CAMTA1: variants seen among roughly 807,000 people sequenced by gnomAD.
The protein encoded by CAMTA1 is calmodulin-binding transcription activator 1.
In CAMTA1, 27 loss-of-function variants were observed where a neutral mutation model predicts 170.9. The ratio of observed to expected loss-of-function variants is 0.16; its 90% confidence interval spans 0.12 to 0.22. CAMTA1 has a LOEUF of 0.22. Ranked by LOEUF, CAMTA1 falls within the 10% of genes least tolerant of loss-of-function variation. The probability of loss-of-function intolerance (pLI) is 1.00; values close to 1 mark genes in which losing one functional copy is unlikely to be tolerated. For missense variants in CAMTA1, 1,619 were observed against 2,217.2 expected (o/e 0.73, Z 5.42); for synonymous variants, 833 against 891.5 (o/e 0.93, Z 1.17).
intron 3 of CAMTA1, among the ~76,000 whole-genome samples, chr1:6,996,771 C>G (rs1197820733): frequency 1.3e-5 from 2 of 152,118 alleles, no homozygotes; most frequent in African/African-American, 4.8e-5. Flanking sequence ...TTTCTACTGT[C>G]CAAATCCCAC....
At chr1:7,611,776 T>C (rs74053105) in intron 6 of CAMTA1, among the ~76,000 whole-genome samples, 7,183 of 152,270 alleles carry the variant, frequency 0.047, 528 homozygotes, top group African/African-American at 0.16. Context: ...TGCCCCTCAC[T>C]CCCACCTCTG....
chr1:7,416,695 A>T (rs1375029343), intron 5 of CAMTA1, among the ~76,000 whole-genome samples: 1 of 151,984 alleles, frequency 6.6e-6, no homozygotes, highest in Admixed American at 6.6e-5. Flanking sequence ...CTTCTTTGCC[A>T]TTGGTTTGAA....
At chr1:7,554,743 C>G (rs1231124536) in intron 6 of CAMTA1, among the ~76,000 whole-genome samples, 27 of 152,214 alleles carry the variant, frequency 1.8e-4, no homozygotes. Context: ...TCCCCCAGGA[C>G]TTGAGTTTCA....
intron 6 of CAMTA1, among the ~76,000 whole-genome samples, chr1:7,628,494 A>G (rs1004522026): frequency 2.0e-5 from 3 of 152,252 alleles, no homozygotes; most frequent in Non-Finnish European, 2.9e-5. Flanking sequence ...TCAGCCTCCC[A>G]TGAGCCACGT....
chr1:7,214,460 G>A (rs533929704), intron 4 of CAMTA1, among the ~76,000 whole-genome samples: 23 of 152,112 alleles, frequency 1.5e-4, no homozygotes, highest in East Asian at 3.9e-4. Flanking sequence ...TACACTTCCC[G>A]GGTTCACACC....
chr1:7,197,369 T>C (rs1469989338), intron 4 of CAMTA1, among the ~76,000 whole-genome samples: 2 of 152,218 alleles, frequency 1.3e-5, no homozygotes, highest in East Asian at 3.9e-4. Flanking sequence ...GCAAGACCTG[T>C]GGCCAGAGCT....
intron 1 of CAMTA1, among the ~76,000 whole-genome samples, chr1:6,796,275 C>A (rs1642491295): frequency 1.3e-5 from 2 of 151,154 alleles, no homozygotes; most frequent in African/African-American, 4.9e-5. Flanking sequence ...GTAGCTGGGA[C>A]TACAGGCACG....
At chr1:7,094,477 T>G (rs1189122897) in intron 4 of CAMTA1, among the ~76,000 whole-genome samples, 1 of 152,230 alleles carries the variant, frequency 6.6e-6, no homozygotes, top group Non-Finnish European at 1.5e-5. Context: ...AGTTTCCTAA[T>G]AAAATGATAC....
chr1:7,276,301 A>ATTTTTTTTTTT (rs1487709367), intron 5 of CAMTA1, among the ~76,000 whole-genome samples: 1 of 20,460 alleles, frequency 4.9e-5, no homozygotes, highest in South Asian at 2.5e-3. Context: ...ATATATATAT[A>ATTTTTTTTTTT]TATTTTTTTT....
chr1:7,538,479 G>A (rs1238374095), intron 6 of CAMTA1, among the ~76,000 whole-genome samples: 1 of 152,134 alleles, frequency 6.6e-6, no homozygotes, highest in Admixed American at 6.5e-5. Flanking sequence ...AGGAGACTTC[G>A]TCTCTACTAA....
intron 22 of CAMTA1, among the ~76,000 whole-genome samples, chr1:7,765,684 A>G (rs72853884): frequency 6.6e-6 from 1 of 152,210 alleles, no homozygotes. Context: ...GAAAGCTAAC[A>G]ATCTTGAGTC....
At chr1:6,873,837 G>T (rs1669074703) in intron 3 of CAMTA1, among the ~76,000 whole-genome samples, 5 of 152,162 alleles carry the variant, frequency 3.3e-5, no homozygotes, top group African/African-American at 1.2e-4. Flanking sequence ...GGATGTTTTT[G>T]TAAATGTGAT....
At chr1:6,850,070 C>A (rs1487505805) in intron 3 of CAMTA1, among the ~76,000 whole-genome samples, 1 of 151,356 alleles carries the variant, frequency 6.6e-6, no homozygotes, top group Non-Finnish European at 1.5e-5. Flanking sequence ...AGTTTAGGTC[C>A]CCACCTCATG....
At chr1:6,906,483 GAC>G (rs1678513230) in intron 3 of CAMTA1, among the ~76,000 whole-genome samples, 3 of 152,312 alleles carry the variant, frequency 2.0e-5, no homozygotes, top group East Asian at 1.9e-4. Flanking sequence ...CTACCCCACT[GAC>G]ACAGAAAATC....
intron 3 of CAMTA1, among the ~76,000 whole-genome samples, chr1:6,895,799 T>G (rs1488276724): frequency 9.2e-5 from 14 of 152,226 alleles, no homozygotes; most frequent in Admixed American, 9.2e-4. Context: ...CCCGATAGCC[T>G]GATGACAGGT....
chr1:7,016,433 GA>G (rs1173707508), intron 3 of CAMTA1, among the ~76,000 whole-genome samples: 1 of 152,218 alleles, frequency 6.6e-6, no homozygotes, highest in Non-Finnish European at 1.5e-5. Flanking sequence ...ATGGGTGAAT[GA>G]ATGGACCACA....
chr1:7,650,117 G>A (rs567496732), intron 7 of CAMTA1, among the ~76,000 whole-genome samples: 33 of 152,216 alleles, frequency 2.2e-4, no homozygotes, highest in Middle Eastern at 3.4e-3. Context: ...ATCCCACTTG[G>A]TCCCCCACCC....
At chr1:7,261,310 T>A (rs923567871) in intron 5 of CAMTA1, among the ~76,000 whole-genome samples, 36 of 152,292 alleles carry the variant, frequency 2.4e-4, no homozygotes, top group Non-Finnish European at 1.3e-4. Flanking sequence ...GTGTTTCTAT[T>A]GATAACTTTT....
chr1:7,562,510 C>T lies in CAMTA1; in HGVS notation c.511-77890C>T, dbSNP rs934358227. Reference sequence around the variant, plus strand: ...GGCTCTGCCCACTCCCGCCCGCCTGCGACACCTGTCCTGCTGCTCCCCTTG... The same window carrying T: ...GGCTCTGCCCACTCCCGCCCGCCTGTGACACCTGTCCTGCTGCTCCCCTTG... On this transcript the variant is annotated intron_variant, in intron 6 of 22. Transcript: ENST00000303635. The surrounding 1 kb of genome is among the most constrained non-coding windows in gnomAD (Gnocchi z 4.8). Among the ~76,000 whole-genome samples, 2 of 152,184 alleles carry T rather than the reference C, an allele frequency of 1.3e-5. No homozygotes were observed. The highest frequency in any genetic ancestry group is 2.9e-5 in the Non-Finnish European group (2 of 68,040).
Sources: allele counts gnomAD v4.1 joint callset (sites outside exome capture counted in the v4.1 genomes callset), GRCh38; gene constraint gnomAD v4.1.1; non-coding constraint Gnocchi (gnomAD v3.1); transcripts MANE v1.5; gene names NCBI Gene and HGNC (gene_info 2026-07-23, HGNC 2026-07-21).